Variants in THOC2 observed in about 807,000 individuals in gnomAD.
The protein encoded by THOC2 is THO complex subunit 2, also known as THO complex 2.
In THOC2, 10 loss-of-function variants were observed where a neutral mutation model predicts 128.4. That is an observed-to-expected ratio of 0.08 (90% confidence interval 0.05 to 0.13). The LOEUF is 0.13. Ranked by LOEUF, THOC2 falls within the 10% of genes least tolerant of loss-of-function variation. The probability of loss-of-function intolerance (pLI) is 1.00; values close to 1 mark genes in which losing one functional copy is unlikely to be tolerated. For synonymous variants in THOC2, 393 were observed against 396.9 expected, an observed-to-expected ratio of 0.99 and a Z score of 0.12; for missense variants, 535 against 1,155.7, an observed-to-expected ratio of 0.46 and a Z score of 7.79.
intron 1 of THOC2, among the ~76,000 whole-genome samples, chrX:123,728,718 GAA>G (rs2052103489): frequency 9.0e-6 from 1 of 111,649 alleles, no homozygotes; most frequent in African/African-American, 3.3e-5. Context: ...AGCAGAAGAA[GAA>G]AAAGAACAAC....
At chrX:123,635,176 T>A (rs1412636363) in intron 19 of THOC2, among the ~76,000 whole-genome samples, 1 of 111,426 alleles carries the variant, frequency 9.0e-6, no homozygotes, top group African/African-American at 3.3e-5. Context: ...TTCTTTAAAC[T>A]ATGTTTTAAT....
At chrX:123,683,886 T>C (rs1371055012) in intron 8 of THOC2, among the ~76,000 whole-genome samples, 1 of 111,285 alleles carries the variant, frequency 9.0e-6, no homozygotes, top group African/African-American at 3.3e-5. Flanking sequence ...AGGTGTAAGC[T>C]ACCACGCCTG....
At chrX:123,695,618 C>T (rs911063340) in intron 7 of THOC2, among the ~76,000 whole-genome samples, 13 of 111,676 alleles carry the variant, frequency 1.2e-4, no homozygotes, top group Admixed American at 5.7e-4. Context: ...TTCATGTTTG[C>T]TTTTTGGTCC....
At chrX:123,651,732 C>CA (rs1414633781) in intron 12 of THOC2, among the ~76,000 whole-genome samples, 1 of 106,942 alleles carries the variant, frequency 9.4e-6, no homozygotes, top group Non-Finnish European at 1.9e-5. Context: ...TACGCCCCCC[C>CA]CCCAAGACTA....
intron 17 of THOC2, 60 bp from the exon 18 acceptor site, chrX:123,638,183 G>A (rs768941129): frequency 7.8e-6 from 6 of 765,048 alleles, no homozygotes; most frequent in Non-Finnish European, 1.1e-5. Context: ...CTTAAAACAT[G>A]AATATGCCAC....
Position 123,633,938 on chromosome X carries a change from A to C in THOC2, c.2136+15T>G. ...TGAATTTTAAAAGTTGATGAACAAA[A>C]ATAGCAATTCTTACCTCAGCTTTTA... On this transcript the variant is annotated intron_variant, in intron 20 of 38. Transcript: ENST00000245838. 4.7e-6 allele frequency: 5 copies of C among 1,054,572 alleles called. No homozygotes were observed. Among genetic ancestry groups the C allele is most frequent in the African/African-American group, 3.7e-5 (2 of 54,034 alleles). 86.9% of individuals were successfully genotyped at this position (1,054,572 alleles called of 1,213,427 possible).
At chrX:123,655,570 T>C (rs1386208769) in intron 12 of THOC2, among the ~76,000 whole-genome samples, 2 of 111,640 alleles carry the variant, frequency 1.8e-5, no homozygotes, top group Non-Finnish European at 3.8e-5. Flanking sequence ...TTGCCCTTTT[T>C]TCGGCAGACC....
At chrX:123,669,160 C>CAA (rs150691806) in intron 9 of THOC2, among the ~76,000 whole-genome samples, 6 of 89,774 alleles carry the variant, frequency 6.7e-5, no homozygotes, top group African/African-American at 2.4e-4. Context: ...TTCCATTTAT[C>CAA]AAAAAAAAAA....
Position 123,613,528 on chromosome X carries a change from A to G in THOC2, c.4548T>C (p.Ser1516=). ...TMGVSKHKSE[S]PCESPYPNEK... is the part of the protein sequence containing the mutation. ...CATTTGGATAAGGAGATTCACAAGG[A>G]CTTTCACTTTTATGTTTTGAAACCC... is the stretch of plus-strand genomic sequence containing the variant. Residue 1516 remains serine (S), a synonymous_variant, in exon 36 of 39, where the codon AGT becomes AGC. Transcript: ENST00000245838. 5.0e-6 allele frequency: 6 copies of G among 1,208,944 alleles called. No homozygotes were observed. Among genetic ancestry groups the G allele is most frequent in the Non-Finnish European group, 6.7e-6 (6 of 894,436 alleles).
At chrX:123,650,640 A>T (rs892112694) in intron 12 of THOC2, among the ~76,000 whole-genome samples, 2 of 111,908 alleles carry the variant, frequency 1.8e-5, no homozygotes, top group African/African-American at 6.5e-5. Context: ...AAAGCAAAAA[A>T]AGCAGAGGTT....
At chrX:123,703,769 G>A (rs2050801617) in intron 3 of THOC2, among the ~76,000 whole-genome samples, 1 of 99,247 alleles carries the variant, frequency 1.0e-5, no homozygotes, top group Non-Finnish European at 2.0e-5. Flanking sequence ...AGGCGTGATG[G>A]TGTACTAGCT....
chrX:123,687,635 G>A (rs778991495), intron 7 of THOC2, among the ~76,000 whole-genome samples: 2 of 111,620 alleles, frequency 1.8e-5, no homozygotes, highest in Non-Finnish European at 3.8e-5. Context: ...TTGGTAAGAT[G>A]ATATCTCCAG....
At chrX:123,719,828 C>T (rs1221436877) in intron 1 of THOC2, among the ~76,000 whole-genome samples, 4 of 108,122 alleles carry the variant, frequency 3.7e-5, no homozygotes, top group African/African-American at 1.3e-4. Flanking sequence ...ACTCGGGAGG[C>T]TGAAGCGGGA....
intron 12 of THOC2, among the ~76,000 whole-genome samples, chrX:123,662,790 A>G (rs943221611): frequency 1.8e-5 from 2 of 111,480 alleles, no homozygotes; most frequent in African/African-American, 6.5e-5. Context: ...CAACTTAAAA[A>G]TGTGCAAGAG....
At chrX:123,642,270 AAAGAATTAGC>A (rs2047951405) in intron 15 of THOC2, among the ~76,000 whole-genome samples, 1 of 110,240 alleles carries the variant, frequency 9.1e-6, no homozygotes, top group Non-Finnish European at 1.9e-5. Context: ...CTAAAAATAC[AAAGAATTAGC>A]TGGACTTGGT....
chrX:123,665,547 G>T, intron 12 of THOC2, 95 bp downstream of exon 12: 1 of 585,924 alleles, frequency 1.7e-6, no homozygotes, highest in Non-Finnish European at 2.5e-6. Flanking sequence ...TATTAAATGA[G>T]GTTCATATTT....
At chrX:123,656,452 TAATC>T (rs1408728021) in intron 12 of THOC2, among the ~76,000 whole-genome samples, 2 of 110,300 alleles carry the variant, frequency 1.8e-5, no homozygotes, top group African/African-American at 6.6e-5. Flanking sequence ...TTGACACCTG[TAATC>T]TCAGCACTGT....
At chrX:123,663,703 G>A (rs2048935324) in intron 12 of THOC2, among the ~76,000 whole-genome samples, 1 of 108,701 alleles carries the variant, frequency 9.2e-6, no homozygotes, top group Non-Finnish European at 1.9e-5. Flanking sequence ...CATGTGCCAT[G>A]TTGGTGTGCT....
At chrX:123,697,543 T>C (rs2050495372) in intron 5 of THOC2, 138 bp downstream of exon 5, 1 of 423,083 alleles carries the variant, frequency 2.4e-6, no homozygotes, top group Non-Finnish European at 4.1e-6. Flanking sequence ...TCACAAAACA[T>C]TCCATTTCAA....
Sources: allele counts gnomAD v4.1 joint callset (sites outside exome capture counted in the v4.1 genomes callset), GRCh38; gene constraint gnomAD v4.1.1; transcripts MANE v1.5; gene names NCBI Gene and HGNC (gene_info 2026-07-23, HGNC 2026-07-21).